RPGRIP1: variants seen among roughly 807,000 people sequenced by gnomAD.
RPGRIP1 encodes X-linked retinitis pigmentosa GTPase regulator-interacting protein 1.
A neutral mutation model predicts 157.9 loss-of-function variants in RPGRIP1; 128 were observed. The ratio of observed to expected loss-of-function variants is 0.81; its 90% CI spans 0.70 to 0.94. RPGRIP1 has a LOEUF of 0.94. Among genes scored for constraint, RPGRIP1 ranks in the 40% least tolerant of loss-of-function variants. RPGRIP1 has a pLI of 0.00. For synonymous variants in RPGRIP1, 554 were observed against 571.6 expected, an observed-to-expected ratio of 0.97 and a Z score of 0.44; for missense variants, 1,486 against 1,545.8, an observed-to-expected ratio of 0.96 and a Z score of 0.65.
chr14:21,303,682 C>T lies in RPGRIP1; in HGVS notation c.800+139C>T, dbSNP rs755563193. 225 of 679,118 alleles carry T rather than the reference C, an allele frequency of 3.3e-4. 1 individual carries two copies. The highest frequency in any genetic ancestry group is 1.0e-3 in the Admixed American group (37 of 36,654). The allele number at this position is 679,118 out of a possible 1,614,324, so 42.1% of individuals were successfully genotyped here. ...TCGGAGTAGTAGACACGGAGTCCCT[C>T]GTAGGTTAAGAAATGGATTAACCTG... On this transcript the variant is annotated intron_variant, in intron 6 of 24. Coordinates refer to ENST00000400017, the MANE Select transcript of RPGRIP1 (RefSeq NM_020366.4).
In RPGRIP1 at chr14:21,295,292, T is replaced by G. The variant is rs560109288; in HGVS notation, c.218+483T>G. On this transcript the variant is annotated intron_variant, in intron 3 of 24. Transcript: ENST00000400017. ...TAAGAGACTGGACAGGTTCCTCCCC[T>G]GGTCACAACTGAGGGGATGGAGATA... Among the ~76,000 whole-genome samples the G allele has an allele frequency of 2.2e-4, 34 of 152,060 alleles. 1 individual carries two copies. The highest frequency in any genetic ancestry group is 8.0e-4 in the African/African-American group (33 of 41,498).
At position 21,325,852 on chromosome 14, in the gene RPGRIP1, C is replaced by T. The variant is rs750432423; in HGVS notation, c.2389C>T (p.Pro797Ser). The T allele has an allele frequency of 6.2e-7, 1 of 1,613,118 alleles. No individual in the cohort carries two copies. The highest frequency in any genetic ancestry group is 2.2e-5 in the East Asian group (1 of 44,886). ...CCAGTTCAGATCGGAGTCTTGGGAA[C>T]CTCAGAACGAGCTGTGGATTGAAAT... ...EEEFRSESWE[P>S]QNELWIEITK... Residue 797 changes from proline (P) to serine (S), a missense_variant, in exon 17 of 25, where the codon CCT (proline) becomes TCT (serine). By Grantham distance (74) the Pro-to-Ser change is moderately conservative. Coordinates refer to ENST00000400017, the MANE Select transcript of RPGRIP1 (RefSeq NM_020366.4).
chr14:21,336,428 G>A lies in RPGRIP1; in HGVS notation c.3339+1723G>A, dbSNP rs950323401. 2.6e-5 allele frequency among the ~76,000 whole-genome samples: 4 copies of A among 152,166 alleles called. 1 individual carries two copies. Among genetic ancestry groups the A allele is most frequent in the Non-Finnish European group, 1.5e-5 (1 of 68,034 alleles). On this transcript the variant is annotated intron_variant, in intron 21 of 24. Transcript: ENST00000400017. Reference sequence around the variant, plus strand: ...CTCACATCTGAAGTCCTAAGTATTTGGGAGGCTGAGGTGAGAGGATTGCTT... The same window carrying A: ...CTCACATCTGAAGTCCTAAGTATTTAGGAGGCTGAGGTGAGAGGATTGCTT...
At chr14:21,282,000 C>A (rs1051946949) in intron 1 of RPGRIP1, among the ~76,000 whole-genome samples, 2 of 151,968 alleles carry the variant, frequency 1.3e-5, no homozygotes, top group African/African-American at 2.4e-5. Context: ...GAGGCTGAGA[C>A]AGGAGAATCG....
chr14:21,327,051 T>C (rs1395879415), intron 17 of RPGRIP1, among the ~76,000 whole-genome samples: 1 of 152,016 alleles, frequency 6.6e-6, no homozygotes, highest in Non-Finnish European at 1.5e-5. Flanking sequence ...GAAACAACCA[T>C]ATTTAACAAG....
At chr14:21,293,151 A>G (rs192769868) in intron 2 of RPGRIP1, among the ~76,000 whole-genome samples, 1 of 152,252 alleles carries the variant, frequency 6.6e-6, no homozygotes, top group East Asian at 1.9e-4. Context: ...TGTCTCAATA[A>G]ATAAGTAAAT....
chr14:21,317,583 C>T, intron 10 of RPGRIP1, 113 bp from the exon 11 acceptor site: 1 of 1,540,196 alleles, frequency 6.5e-7, no homozygotes, highest in Non-Finnish European at 8.7e-7. Flanking sequence ...CAGAAAAAAA[C>T]ATGTAGGGGA....
At chr14:21,311,409 G>A (rs547805891) in intron 8 of RPGRIP1, among the ~76,000 whole-genome samples, 31 of 152,178 alleles carry the variant, frequency 2.0e-4, no homozygotes, top group African/African-American at 7.2e-4. Flanking sequence ...AAAATTAGCT[G>A]GGCGTGGTGG....
rs1307605933 is a variant in RPGRIP1, at chr14:21,348,248, C to T, written c.3694C>T (p.Gln1232Ter). ...ECEEVGYAYL[Q>*]LWQILESGRD... ...TGAAGAAGTGGGATATGCATATCTT[C>T]AACTGTGGCAGATCCTGGAGTCAGG... Residue 1232 changes from glutamine (Q) to a stop codon, truncating the protein, a stop_gained, in exon 24 of 25, where the codon CAA becomes TAA. Transcript: ENST00000400017. LOFTEE classifies it high-confidence loss of function. 6.3e-7 allele frequency: 1 copy of T among 1,591,520 alleles called. No individual in the cohort carries two copies. Among genetic ancestry groups the T allele is most frequent in the African/African-American group, 1.3e-5 (1 of 74,528 alleles).
At chr14:21,310,901 G>A in intron 8 of RPGRIP1, 1 of 616,594 alleles carries the variant, frequency 1.6e-6, no homozygotes. Context: ...AACTTCCTAA[G>A]AGTATTCTTC....
At chr14:21,341,953 G>C in intron 21 of RPGRIP1, among the ~76,000 whole-genome samples, 1 of 152,040 alleles carries the variant, frequency 6.6e-6, no homozygotes, top group East Asian at 1.9e-4. Context: ...GGGAGGCTGA[G>C]GCAGGAGAAT....
At chr14:21,314,006 G>A (rs1485838573) in intron 10 of RPGRIP1, among the ~76,000 whole-genome samples, 1 of 148,918 alleles carries the variant, frequency 6.7e-6, no homozygotes, top group Admixed American at 6.7e-5. Flanking sequence ...GTAGTACAGT[G>A]GTGTCATCTC....
At position 21,324,754 on chromosome 14, in the gene RPGRIP1, C is replaced by T. The variant is rs759142742; in HGVS notation, c.1899C>T (p.His633=). ...AGAATCTTTTTGAACTGCACATCCACCAGGCCTTCCTGACATCTGCCGCCC... is the reference window on the plus strand; with the variant it reads ...AGAATCTTTTTGAACTGCACATCCATCAGGCCTTCCTGACATCTGCCGCCC... The part of the protein sequence containing the change: ...QGENLFELHI[H]QAFLTSAALA... Residue 633 remains histidine, a synonymous_variant, in exon 15 of 25, where the codon CAC becomes CAT. Transcript: ENST00000400017. 1.2e-5 allele frequency: 19 copies of T among 1,613,944 alleles called. No homozygotes were observed. In the Admixed American group the frequency reaches 3.0e-4, roughly 25 times the overall value.
At chr14:21,346,102 C>T (rs1594275533) in intron 23 of RPGRIP1, among the ~76,000 whole-genome samples, 1 of 152,176 alleles carries the variant, frequency 6.6e-6, no homozygotes, top group South Asian at 2.1e-4. Context: ...TGAGTGACCA[C>T]ACCTGGTCAA....
chr14:21,285,449 CA>C (rs1396220899), intron 1 of RPGRIP1, among the ~76,000 whole-genome samples: 2 of 151,684 alleles, frequency 1.3e-5, no homozygotes, highest in African/African-American at 4.9e-5. Flanking sequence ...ACTAAAAACA[CA>C]AAAAATTAGC....
intron 22 of RPGRIP1, 29 bp downstream of exon 22, chr14:21,343,257 G>T (rs1391931704): frequency 3.3e-5 from 52 of 1,558,320 alleles, no homozygotes; most frequent in Non-Finnish European, 4.6e-5. Context: ...TTACTGGGGT[G>T]AGGAAGTCTG....
Position 21,294,639 on chromosome 14 carries a change from T to C in RPGRIP1, c.86-38T>C, listed in dbSNP as rs781479616. 7 of 1,606,010 alleles carry C rather than the reference T, an allele frequency of 4.4e-6. No homozygotes were observed. The South Asian group carries it at 6.6e-5, about 15-fold the overall frequency. ...ATCTAAAGGGTTCAAAAAATAGGTGTAAAAATACTGTCCATTTACTGTTTT... is the reference window on the plus strand; with the variant it reads ...ATCTAAAGGGTTCAAAAAATAGGTGCAAAAATACTGTCCATTTACTGTTTT... On this transcript the variant is annotated intron_variant, in intron 2 of 24. Transcript: ENST00000400017.
intron 21 of RPGRIP1, among the ~76,000 whole-genome samples, chr14:21,335,843 C>T (rs1275988589): frequency 6.6e-6 from 1 of 152,006 alleles, no homozygotes; most frequent in Non-Finnish European, 1.5e-5. Context: ...TAAATATCCA[C>T]ACATATATTC....
intron 4 of RPGRIP1, among the ~76,000 whole-genome samples, chr14:21,301,722 T>A (rs764840515): frequency 0.013 from 968 of 75,080 alleles, no homozygotes; most frequent in Non-Finnish European, 0.017. Context: ...ATAATAATAA[T>A]AAAAAATTAG....
Sources: allele counts gnomAD v4.1 joint callset (sites outside exome capture counted in the v4.1 genomes callset), GRCh38; gene constraint gnomAD v4.1.1; transcripts MANE v1.5; gene names NCBI Gene and HGNC (gene_info 2026-07-23, HGNC 2026-07-21).